SLC9D1: variants seen among roughly 807,000 people sequenced by gnomAD.
SLC9D1 encodes the protein putative LAG1-interacting protein.
At chr13:113,547,080 C>T in the SLC9D1 span, 1 of 544,550 alleles carries the variant, frequency 1.8e-6, no homozygotes, top group Non-Finnish European at 3.3e-6. Context: ...AGCTGGGATC[C>T]CACCACATCA....
the SLC9D1 span, among the ~76,000 whole-genome samples, chr13:113,517,432 G>C: frequency 1.3e-5 from 2 of 152,114 alleles, no homozygotes; most frequent in African/African-American, 4.8e-5. Context: ...GTTTCACCGT[G>C]TTAGCCAGGA....
chr13:113,508,436 G>A, the SLC9D1 span, among the ~76,000 whole-genome samples: 6 of 152,194 alleles, frequency 3.9e-5, no homozygotes, highest in East Asian at 3.8e-4. Flanking sequence ...CTCTTCGGCC[G>A]TGATATTCGG....
chr13:113,545,974 A>C, the SLC9D1 span: 6 of 151,910 alleles, frequency 3.9e-5, no homozygotes, highest in African/African-American at 1.2e-4. Context: ...GGGGCTGGAG[A>C]TGAAGGGGAG....
chr13:113,520,483 C>CAAAAA, the SLC9D1 span: 240 of 366,278 alleles, frequency 6.6e-4, no homozygotes, highest in East Asian at 1.4e-3. Flanking sequence ...AACTCCATCT[C>CAAAAA]AAAAAAAAAA....
At chr13:113,525,192 A>G in the SLC9D1 span, among the ~76,000 whole-genome samples, 7 of 152,274 alleles carry the variant, frequency 4.6e-5, no homozygotes, top group African/African-American at 1.7e-4. Flanking sequence ...GCATAATGAC[A>G]TTTTGGTCAG....
chr13:113,510,944 C>T, the SLC9D1 span, among the ~76,000 whole-genome samples: 4 of 151,496 alleles, frequency 2.6e-5, no homozygotes, highest in South Asian at 2.1e-4. Flanking sequence ...CCGACTTGCT[C>T]GGAGCCTAGG....
At chr13:113,508,752 G>T in the SLC9D1 span, among the ~76,000 whole-genome samples, 3 of 152,214 alleles carry the variant, frequency 2.0e-5, no homozygotes, top group Non-Finnish European at 2.9e-5. Context: ...GGACAAGCAG[G>T]CCAGCTGGTC....
chr13:113,535,893 C>T, the SLC9D1 span, among the ~76,000 whole-genome samples: 9 of 151,090 alleles, frequency 6.0e-5, no homozygotes, highest in South Asian at 2.1e-4. The surrounding 1 kb of genome is among the most constrained non-coding windows in gnomAD (Gnocchi z 4.1). Context: ...GTGTCTATAT[C>T]GGCACCTGAG....
the SLC9D1 span, chr13:113,529,554 G>T: frequency 6.6e-6 from 1 of 152,318 alleles, no homozygotes; most frequent in African/African-American, 2.4e-5. Flanking sequence ...GGAGGCTGAG[G>T]CAGGAGAATC....
the SLC9D1 span, chr13:113,495,401 T>A: frequency 8.6e-5 from 44 of 511,598 alleles, no homozygotes; most frequent in Admixed American, 4.6e-4. Flanking sequence ...AAATGAGAAT[T>A]TCTTCAGAAA....
the SLC9D1 span, among the ~76,000 whole-genome samples, chr13:113,497,363 C>A: frequency 0.097 from 14,616 of 150,218 alleles, 1,026 homozygotes; most frequent in Admixed American, 0.23. Flanking sequence ...GTGAGACCTG[C>A]AGCTGTGTGT....
the SLC9D1 span, chr13:113,510,519 A>T: frequency 8.1e-7 from 1 of 1,227,920 alleles, no homozygotes; most frequent in Non-Finnish European, 1.2e-6. Context: ...GAAAAATTGC[A>T]AAGTCTTATT....
the SLC9D1 span, among the ~76,000 whole-genome samples, chr13:113,525,865 C>G: frequency 1.3e-5 from 2 of 150,844 alleles, no homozygotes; most frequent in Non-Finnish European, 1.5e-5. Flanking sequence ...CCATCGTCGT[C>G]GTAGGAGACG....
chr13:113,522,922 G>A, the SLC9D1 span, among the ~76,000 whole-genome samples: 1 of 152,192 alleles, frequency 6.6e-6, no homozygotes, highest in Non-Finnish European at 1.5e-5. Context: ...GAGCCACCGT[G>A]CCTGGCCTTC....
chr13:113,491,520 C>A, the SLC9D1 span, among the ~76,000 whole-genome samples: 12 of 151,632 alleles, frequency 7.9e-5, no homozygotes, highest in Non-Finnish European at 2.9e-5. Flanking sequence ...GGCTCCCCTC[C>A]TCTCTCTCCC....
chr13:113,507,576 A>G, the SLC9D1 span, among the ~76,000 whole-genome samples: 2 of 152,338 alleles, frequency 1.3e-5, no homozygotes, highest in East Asian at 3.9e-4. Context: ...TGCGCCGTGC[A>G]TAGTGCTGAG....
the SLC9D1 span, among the ~76,000 whole-genome samples, chr13:113,535,689 G>A: frequency 0.01 from 1,572 of 152,158 alleles, 12 homozygotes; most frequent in Non-Finnish European, 0.017. The surrounding 1 kb of genome is among the most constrained non-coding windows in gnomAD (Gnocchi z 4.1). Context: ...GCTGCGTACT[G>A]TGTGGTTCTT....
the SLC9D1 span, among the ~76,000 whole-genome samples, chr13:113,544,809 C>T: frequency 6.6e-6 from 1 of 152,376 alleles, no homozygotes; most frequent in African/African-American, 2.4e-5. Flanking sequence ...ACCCTGTCTC[C>T]AGATACAGCC....
chr13:113,500,078 C>T, the SLC9D1 span: 1 of 1,595,482 alleles, frequency 6.3e-7, no homozygotes, highest in Non-Finnish European at 8.5e-7. Context: ...GATTGACTCC[C>T]AGAACAACCA....
Sources: allele counts gnomAD v4.1 joint callset (sites outside exome capture counted in the v4.1 genomes callset), GRCh38; gene constraint gnomAD v4.1.1; non-coding constraint Gnocchi (gnomAD v3.1); transcripts MANE v1.5; gene names NCBI Gene and HGNC (gene_info 2026-07-23, HGNC 2026-07-21).